Variants in ARHGEF38 observed in about 807,000 individuals in gnomAD.
ARHGEF38 encodes the protein Rho guanine nucleotide exchange factor 38, also known as Rho guanine nucleotide exchange factor (GEF) 38.
ARHGEF38 carries 79 observed loss-of-function variants against 79.9 expected under a neutral mutation model. That is an observed-to-expected ratio of 0.99 (90% CI 0.82 to 1.19). The LOEUF (loss-of-function observed/expected upper bound fraction) is 1.19. Among genes scored for constraint, ARHGEF38 ranks in the 50% most tolerant of loss-of-function variants. The pLI is 0.00. For missense variants in ARHGEF38, 962 were observed against 907.2 expected, an observed-to-expected ratio of 1.06 and a Z score of -0.78; for synonymous variants, 366 against 328.3, an observed-to-expected ratio of 1.11 and a Z score of -1.24.
chr4:105,678,869 A>G lies in ARHGEF38; in HGVS notation c.*932A>G, dbSNP rs1731209076. 1 of 150,180 alleles carries G rather than the reference A, an allele frequency of 6.7e-6. No individual in the cohort carries two copies. Among genetic ancestry groups the G allele is most frequent in the African/African-American group, 2.5e-5 (1 of 40,678 alleles). 9.3% of individuals were successfully genotyped at this position (150,180 alleles called of 1,614,324 possible). A position where few individuals can be genotyped will look rare whatever the true frequency, so the allele number is the denominator to read the frequency against. On this transcript the variant is annotated 3_prime_UTR_variant, in exon 14 of 14. Transcript: ENST00000420470. ...AAAGGAGGTTTTTTTATTCAAAGGT[A>G]TAACTGGATAAGTAGATTTGTTTAC...
At chr4:105,633,481 G>A (rs1414813141) in intron 4 of ARHGEF38, among the ~76,000 whole-genome samples, 1 of 152,134 alleles carries the variant, frequency 6.6e-6, no homozygotes, top group Non-Finnish European at 1.5e-5. Context: ...CTGTCACTCT[G>A]CCTTTTCCTT....
chr4:105,652,417 A>G, intron 7 of ARHGEF38, among the ~76,000 whole-genome samples: 1 of 152,216 alleles, frequency 6.6e-6, no homozygotes, highest in African/African-American at 2.4e-5. Context: ...CAGGGTTATG[A>G]GAGCACATAG....
intron 2 of ARHGEF38, among the ~76,000 whole-genome samples, chr4:105,590,135 G>A (rs7698636): frequency 0.032 from 4,563 of 140,498 alleles, 286 homozygotes; most frequent in African/African-American, 0.13. Flanking sequence ...AGGAAAGAAA[G>A]AAAAAAAAGA....
intron 8 of ARHGEF38, among the ~76,000 whole-genome samples, chr4:105,654,541 T>G (rs1730244840): frequency 6.6e-6 from 1 of 152,126 alleles, no homozygotes; most frequent in Admixed American, 6.6e-5. Context: ...GTACCTAAAA[T>G]AAGTATAAAA....
At chr4:105,579,432 T>C (rs537126254) in intron 1 of ARHGEF38, among the ~76,000 whole-genome samples, 12 of 152,332 alleles carry the variant, frequency 7.9e-5, no homozygotes, top group African/African-American at 2.9e-4. Flanking sequence ...TGACAGTTTT[T>C]AACATGAAGG....
chr4:105,599,036 T>A (rs1727708377), intron 2 of ARHGEF38, among the ~76,000 whole-genome samples: 1 of 152,196 alleles, frequency 6.6e-6, no homozygotes, highest in Admixed American at 6.6e-5. Flanking sequence ...GTTTCTGTTT[T>A]GTCAACCTGG....
chr4:105,641,730 T>G (rs1330646980), intron 5 of ARHGEF38, among the ~76,000 whole-genome samples: 2 of 152,022 alleles, frequency 1.3e-5, no homozygotes, highest in Admixed American at 6.6e-5. Flanking sequence ...ATCTAATTTT[T>G]TTTTGTTTTC....
intron 13 of ARHGEF38, among the ~76,000 whole-genome samples, chr4:105,673,993 C>G (rs1731039987): frequency 6.6e-6 from 1 of 151,974 alleles, no homozygotes; most frequent in Non-Finnish European, 1.5e-5. Flanking sequence ...AGTTTTAGAA[C>G]AGAAGATTAA....
chr4:105,643,054 T>C (rs1467073819), intron 5 of ARHGEF38, among the ~76,000 whole-genome samples: 1 of 151,926 alleles, frequency 6.6e-6, no homozygotes, highest in Non-Finnish European at 1.5e-5. Context: ...TTACAATATA[T>C]AAGAAAATGT....
At chr4:105,561,490 GAATAGAATA>G (rs1725603563) in intron 1 of ARHGEF38, 3 of 141,410 alleles carry the variant, frequency 2.1e-5, no homozygotes, top group African/African-American at 8.1e-5. Context: ...GAATAGAATA[GAATAGAATA>G]GAATAGAATA....
intron 1 of ARHGEF38, among the ~76,000 whole-genome samples, chr4:105,565,188 A>G (rs1725827164): frequency 6.6e-6 from 1 of 152,208 alleles, no homozygotes; most frequent in Non-Finnish European, 1.5e-5. Flanking sequence ...AATGAAGATA[A>G]AATATTCCCA....
intron 4 of ARHGEF38, among the ~76,000 whole-genome samples, chr4:105,634,168 C>T (rs925165551): frequency 6.6e-6 from 1 of 152,074 alleles, no homozygotes; most frequent in African/African-American, 2.4e-5. Flanking sequence ...TAACAAGCCA[C>T]CTCAGGTGAT....
At chr4:105,637,493 A>C (rs1200544201) in intron 5 of ARHGEF38, among the ~76,000 whole-genome samples, 1 of 152,114 alleles carries the variant, frequency 6.6e-6, no homozygotes, top group Non-Finnish European at 1.5e-5. Flanking sequence ...ATGAGTTTCC[A>C]ATTCTAGGCT....
chr4:105,640,145 C>CAACA (rs1560739855), intron 5 of ARHGEF38, among the ~76,000 whole-genome samples: 2 of 151,960 alleles, frequency 1.3e-5, no homozygotes, highest in African/African-American at 4.8e-5. Flanking sequence ...CCTCTACACA[C>CAACA]AACAAACACA....
intron 9 of ARHGEF38, 118 bp from the exon 10 acceptor site, chr4:105,658,936 G>A (rs1356682600): frequency 3.6e-6 from 3 of 839,942 alleles, no homozygotes; most frequent in Admixed American, 2.9e-5. Flanking sequence ...CTGGGTAGGT[G>A]CTTTCCTGTT....
chr4:105,663,210 C>G (rs184416138), intron 10 of ARHGEF38, among the ~76,000 whole-genome samples: 4 of 152,214 alleles, frequency 2.6e-5, no homozygotes, highest in Non-Finnish European at 5.9e-5. Context: ...GTTTTAATAC[C>G]TGCTCACTGC....
At position 105,552,776 on chromosome 4, in the gene ARHGEF38, A is replaced by T. The variant is rs1470093887; in HGVS notation, c.11A>T (p.Lys4Ile). 2 of 1,609,750 alleles carry T rather than the reference A, an allele frequency of 1.2e-6. No homozygotes were observed. Among genetic ancestry groups the T allele is most frequent in the Admixed American group, 3.4e-5 (2 of 59,178 alleles). The change falls in exon 1 of 14, where the codon AAA (lysine) becomes ATA (isoleucine). Residue 4 changes from lysine (K) to isoleucine (I), a missense_variant. By Grantham distance (102) the Lys-to-Ile change is moderately radical (BLOSUM62 -3). Transcript: ENST00000420470. The part of the protein sequence containing the change: MEP[K>I]EATGKENMVT... Reference sequence around the variant, plus strand: ...TTGTCTTTGCCTAATATGGAGCCCAAAGAAGCCACTGGGAAAGAAAACATG... The same window carrying T: ...TTGTCTTTGCCTAATATGGAGCCCATAGAAGCCACTGGGAAAGAAAACATG...
chr4:105,555,430 G>C (rs934040999), intron 1 of ARHGEF38, among the ~76,000 whole-genome samples: 1 of 152,160 alleles, frequency 6.6e-6, no homozygotes, highest in African/African-American at 2.4e-5. Flanking sequence ...AAAGCAATCA[G>C]TTCTGTGCGT....
chr4:105,596,072 A>G (rs1727563882), intron 2 of ARHGEF38, among the ~76,000 whole-genome samples: 1 of 152,202 alleles, frequency 6.6e-6, no homozygotes, highest in African/African-American at 2.4e-5. Context: ...CTCTCTCTCA[A>G]TTCAGAGTCC....
Sources: gnomAD v4.1 joint callset for allele counts (sites outside exome capture counted in the v4.1 genomes callset) on GRCh38, gnomAD v4.1.1 for gene constraint, MANE v1.5 for transcripts, NCBI Gene and HGNC (gene_info 2026-07-23, HGNC 2026-07-21) for gene names.